Variants in CACNA2D4 observed in about 807,000 individuals in gnomAD.
The protein encoded by CACNA2D4 is voltage-dependent calcium channel subunit alpha-2/delta-4.
CACNA2D4 carries 157 observed loss-of-function variants against 163.8 expected under a neutral mutation model. The ratio of observed to expected loss-of-function variants is 0.96; its 90% CI spans 0.84 to 1.09. The LOEUF (loss-of-function observed/expected upper bound fraction) is 1.09. Ranked by LOEUF, CACNA2D4 falls within the 50% of genes least tolerant of loss-of-function variation. The pLI, the probability that CACNA2D4 is intolerant of heterozygous loss-of-function variation, is 0.00. For synonymous variants in CACNA2D4, 598 were observed against 586.9 expected, an observed-to-expected ratio of 1.02 and a Z score of -0.27; for missense variants, 1,410 against 1,479.9, an observed-to-expected ratio of 0.95 and a Z score of 0.78.
rs141215721 is a variant in CACNA2D4, at chr12:1,893,503, G to A, written c.782-6434C>T. On this transcript the variant is annotated intron_variant, in intron 6 of 37. Transcript: ENST00000382722. ...ACTGCACTCCAGCCTAGGTGACAGA[G>A]CAAAACTCCATCTCAAAAAAATATA... 1.3e-3 allele frequency among the ~76,000 whole-genome samples: 194 copies of A among 152,118 alleles called. 2 individuals carry two copies. The East Asian group carries it at 0.031, about 24-fold the overall frequency.
rs747879969 is a variant in CACNA2D4 at position 1,903,659 on chromosome 12, CT to C, written c.781+3780del. The stretch of plus-strand genomic sequence containing the variant: ...ATTATCAGAGAAACACAAATCAAAA[CT>C]ACAATGAGATATCATCTTACCCTAA... On this transcript the variant is annotated intron_variant, in intron 6 of 37. Transcript: ENST00000382722. Among the ~76,000 whole-genome samples the C allele has an allele frequency of 8.5e-5, 13 of 152,090 alleles. 1 individual carries two copies. Among genetic ancestry groups the C allele is most frequent in the Admixed American group, 2.6e-4 (4 of 15,276 alleles).
intron 6 of CACNA2D4, among the ~76,000 whole-genome samples, chr12:1,890,808 A>C (rs1333991091): frequency 1.3e-5 from 2 of 152,140 alleles, no homozygotes; most frequent in Non-Finnish European, 2.9e-5. Flanking sequence ...GGAACTGCCC[A>C]GCCCACTCTA....
Position 1,869,789 on chromosome 12 carries a change from C to T in CACNA2D4, c.1878+4815G>A, listed in dbSNP as rs539267232. ...TTTGACCAAGCCCTAACCATTTCTC[C>T]GCTGAGATTCTCCATCTGTTCCCTC... On this transcript the variant is annotated intron_variant, in intron 18 of 37. Coordinates refer to ENST00000382722, the MANE Select transcript of CACNA2D4 (RefSeq NM_172364.5). This position sits in a 1 kb window ranked among gnomAD's most constrained non-coding sequence, Gnocchi z 4.7. 2.7e-4 allele frequency among the ~76,000 whole-genome samples: 41 copies of T among 152,312 alleles called. No individual in the cohort carries two copies. Among genetic ancestry groups the T allele is most frequent in the South Asian group, 1.4e-3 (7 of 4,834 alleles).
intron 6 of CACNA2D4, among the ~76,000 whole-genome samples, chr12:1,891,682 T>TA (rs1171862951): frequency 4.6e-5 from 7 of 150,800 alleles, no homozygotes; most frequent in South Asian, 2.1e-4. Context: ...TGCAAAGAAA[T>TA]AAAAAAAACT....
intron 3 of CACNA2D4, 112 bp downstream of exon 3, chr12:1,912,911 G>A (rs1264671556): frequency 1.5e-6 from 1 of 670,196 alleles, no homozygotes; most frequent in Admixed American, 2.3e-5. Context: ...TTGTAAGATA[G>A]GAGAGGGTCA....
At chr12:1,861,030 G>A (rs147800099) in intron 18 of CACNA2D4, among the ~76,000 whole-genome samples, 4 of 152,344 alleles carry the variant, frequency 2.6e-5, no homozygotes, top group African/African-American at 4.8e-5. Context: ...GGGTGCTGAG[G>A]TTCTGTGGAT....
At chr12:1,818,768 A>G (rs1282647651) in intron 26 of CACNA2D4, among the ~76,000 whole-genome samples, 1 of 144,364 alleles carries the variant, frequency 6.9e-6, no homozygotes, top group African/African-American at 2.6e-5. Flanking sequence ...AATGATCAAT[A>G]AAAAATAAAT....
At chr12:1,807,266 C>A (rs1283909817) in intron 29 of CACNA2D4, among the ~76,000 whole-genome samples, 1 of 151,658 alleles carries the variant, frequency 6.6e-6, no homozygotes, top group Non-Finnish European at 1.5e-5. Context: ...CCCTGGAGGA[C>A]CTCAATGCTG....
At chr12:1,907,640 G>A in intron 5 of CACNA2D4, 69 bp from the exon 6 acceptor site, 2 of 1,466,516 alleles carry the variant, frequency 1.4e-6, no homozygotes, top group South Asian at 1.2e-5. Flanking sequence ...TGCCCGGTGA[G>A]GGTGCCTGGT....
chr12:1,821,002 C>T (rs547283223), intron 26 of CACNA2D4, among the ~76,000 whole-genome samples: 42 of 152,260 alleles, frequency 2.8e-4, no homozygotes, highest in Non-Finnish European at 5.4e-4. Flanking sequence ...CAAAGGTGCA[C>T]GACACTGGGA....
At chr12:1,796,344 A>G (rs1863126658) in intron 35 of CACNA2D4, among the ~76,000 whole-genome samples, 1 of 152,184 alleles carries the variant, frequency 6.6e-6, no homozygotes. Context: ...CACACACCCA[A>G]CGTGCACACC....
At chr12:1,852,081 T>C (rs973182238) in intron 23 of CACNA2D4, among the ~76,000 whole-genome samples, 2 of 152,262 alleles carry the variant, frequency 1.3e-5, no homozygotes, top group Non-Finnish European at 2.9e-5. Flanking sequence ...TATTATAACC[T>C]GCTATTTTAC....
chr12:1,846,620 G>A lies in CACNA2D4; in HGVS notation c.2316C>T (p.Phe772=), dbSNP rs11836202. The change falls in exon 24 of 38, where the codon TTC becomes TTT. Residue 772 remains phenylalanine, a synonymous_variant. Transcript: ENST00000382722. ...TRAGLLRSSL[F]VGSEKVSDRK... is the part of the protein sequence containing the mutation. ...TGTCGGAGACCTTCTCGGAGCCCAC[G>A]AACAAGCTGCTTCTCAGGAGGCCAG... 0.047 allele frequency: 75,229 copies of A among 1,601,608 alleles called. 7,496 individuals carry two copies. Among genetic ancestry groups the A allele is most frequent in the East Asian group, 0.42 (18,535 of 44,406 alleles).
intron 6 of CACNA2D4, among the ~76,000 whole-genome samples, chr12:1,897,479 T>C (rs1866435691): frequency 6.6e-6 from 1 of 152,172 alleles, no homozygotes; most frequent in South Asian, 2.1e-4. Context: ...TATAACAAAA[T>C]ATTACATATT....
intron 3 of CACNA2D4, among the ~76,000 whole-genome samples, chr12:1,911,938 A>G (rs60094026): frequency 6.6e-6 from 1 of 152,224 alleles, no homozygotes; most frequent in Non-Finnish European, 1.5e-5. Flanking sequence ...TCAGGGACCC[A>G]GGATAGGCTC....
rs773441141 is a variant in CACNA2D4 at position 1,882,864 on chromosome 12, C to T, written c.1485+3G>A. On this transcript the variant is annotated splice_donor_region_variant and intron_variant, in intron 13 of 37. Transcript: ENST00000382722. ...TCGAGCTGGGAGCTGCTGCCAGGCT[C>T]ACCTTGCTGTCCATGTAGGCCTCTG... 1 of 1,613,650 alleles carries T rather than the reference C, an allele frequency of 6.2e-7. No individual in the cohort carries two copies. The highest frequency in any genetic ancestry group is 8.5e-7 in the Non-Finnish European group (1 of 1,179,712).
At chr12:1,889,726 GA>G (rs1253693306) in intron 6 of CACNA2D4, among the ~76,000 whole-genome samples, 8 of 151,680 alleles carry the variant, frequency 5.3e-5, no homozygotes, top group Non-Finnish European at 1.0e-4. Context: ...GTGCTAGAGA[GA>G]AAAAAAGTTA....
rs142479300 is a variant in CACNA2D4 at position 1,859,701 on chromosome 12, T to C, written c.1940+444A>G. Among the ~76,000 whole-genome samples the C allele has an allele frequency of 3.4e-3, 517 of 152,314 alleles. 4 individuals carry two copies. The highest frequency in any genetic ancestry group is 4.5e-3 in the Non-Finnish European group (304 of 68,032). The stretch of plus-strand genomic sequence containing the variant: ...AGAAGTTAAGTGAAACTCAAAGACC[T>C]GTTAACAGAGTTGTAGGAGGCAGAG... On this transcript the variant is annotated intron_variant, in intron 19 of 37. Transcript: ENST00000382722.
rs1865728992 is a variant in CACNA2D4 at position 1,869,656 on chromosome 12, G to C, written c.1878+4948C>G. Among the ~76,000 whole-genome samples the C allele has an allele frequency of 1.3e-5, 2 of 152,150 alleles. No homozygotes were observed. The highest frequency in any genetic ancestry group is 4.1e-4 in the South Asian group (2 of 4,830). On this transcript the variant is annotated intron_variant, in intron 18 of 37. Coordinates refer to ENST00000382722, the MANE Select transcript of CACNA2D4 (RefSeq NM_172364.5). This position sits in a 1 kb window ranked among gnomAD's most constrained non-coding sequence, Gnocchi z 4.7. Reference sequence around the variant, plus strand: ...TACAATGACTTCAAGCTCACCATTGGATGCAGACACCAGCTTTCCATAGAT... The same window carrying C: ...TACAATGACTTCAAGCTCACCATTGCATGCAGACACCAGCTTTCCATAGAT...
Sources: allele counts gnomAD v4.1 joint callset (sites outside exome capture counted in the v4.1 genomes callset), GRCh38; gene constraint gnomAD v4.1.1; non-coding constraint Gnocchi (gnomAD v3.1); transcripts MANE v1.5; gene names NCBI Gene and HGNC (gene_info 2026-07-23, HGNC 2026-07-21).